Variants in ABLIM1 observed in about 807,000 individuals in gnomAD.
ABLIM1 encodes the protein actin binding LIM protein 1, also known as actin-binding LIM protein 1.
In ABLIM1, 40 loss-of-function variants were observed where a neutral mutation model predicts 107.0. The observed-to-expected ratio is 0.37, with a 90% confidence interval of 0.29 to 0.49. The LOEUF is 0.49. ABLIM1 is among the 20% of genes least tolerant of loss of function. The pLI, the probability that ABLIM1 is intolerant of heterozygous loss-of-function variation, is 0.97. For synonymous variants in ABLIM1, 357 were observed against 357.3 expected (o/e 1.00, Z 0.01); for missense variants, 857 against 1,008.5 (o/e 0.85, Z 2.04).
intron 6 of ABLIM1, among the ~76,000 whole-genome samples, chr10:114,510,978 G>A (rs1226142153): frequency 6.6e-6 from 1 of 151,960 alleles, no homozygotes; most frequent in Non-Finnish European, 1.5e-5. Context: ...TTAGCTGAGT[G>A]TGTTCCCTCC....
chr10:114,578,587 G>T (rs577328696), intron 2 of ABLIM1, among the ~76,000 whole-genome samples: 1 of 151,390 alleles, frequency 6.6e-6, no homozygotes, highest in Admixed American at 6.6e-5. Context: ...TGTATTTTTA[G>T]TAGAGATGGG....
upstream of ABLIM1, chr10:114,658,447 T>C: frequency 1.9e-6 from 1 of 514,048 alleles, no homozygotes; most frequent in Non-Finnish European, 3.1e-6. Flanking sequence ...CAGACATGAA[T>C]GCATATTTGA....
chr10:114,491,970 G>T, intron 6 of ABLIM1, 92 bp from the exon 7 acceptor site: 1 of 1,092,020 alleles, frequency 9.2e-7, no homozygotes, highest in South Asian at 1.7e-5. Context: ...GAAAAGAGAG[G>T]ATGCTGAAAA....
intron 1 of ABLIM1, among the ~76,000 whole-genome samples, chr10:114,760,970 T>G (rs1393181628): frequency 2.0e-5 from 3 of 152,208 alleles, no homozygotes; most frequent in Admixed American, 1.3e-4. Context: ...AGTTTCTCCT[T>G]TCCTTGATTT....
the ABLIM1 span, among the ~76,000 whole-genome samples, chr10:114,784,175 A>G: frequency 5.0e-4 from 75 of 151,324 alleles, no homozygotes; most frequent in Admixed American, 8.6e-4. Context: ...GCAAAACCCC[A>G]TCTCTACTAA....
intron 1 of ABLIM1, among the ~76,000 whole-genome samples, chr10:114,672,456 C>T (rs1566215030): frequency 6.6e-6 from 1 of 152,212 alleles, no homozygotes. Flanking sequence ...CTGCCTCAGC[C>T]TCCCAAAGTG....
intron 1 of ABLIM1, among the ~76,000 whole-genome samples, chr10:114,646,909 T>C (rs1339756786): frequency 6.6e-5 from 10 of 152,214 alleles, no homozygotes; most frequent in Non-Finnish European, 1.2e-4. Flanking sequence ...TTAACTTCAC[T>C]TAGTATTCCC....
At chr10:114,733,995 G>C (rs2082128019) in intron 1 of ABLIM1, among the ~76,000 whole-genome samples, 1 of 152,068 alleles carries the variant, frequency 6.6e-6, no homozygotes, top group Non-Finnish European at 1.5e-5. Flanking sequence ...CAAATAGCTA[G>C]GATTACAGGC....
chr10:114,576,234 C>A (rs993013733), intron 2 of ABLIM1, among the ~76,000 whole-genome samples: 1 of 152,164 alleles, frequency 6.6e-6, no homozygotes, highest in Non-Finnish European at 1.5e-5. Flanking sequence ...CATCTCCTTC[C>A]GACTGTGCAG....
the ABLIM1 span, among the ~76,000 whole-genome samples, chr10:114,787,054 G>A: frequency 3.3e-5 from 5 of 151,506 alleles, no homozygotes; most frequent in Admixed American, 6.6e-5. Flanking sequence ...AGTGAGGAGC[G>A]CCTCTTCCCT....
intron 1 of ABLIM1, among the ~76,000 whole-genome samples, chr10:114,749,173 A>C (rs1031006027): frequency 4.6e-5 from 7 of 152,174 alleles, no homozygotes; most frequent in African/African-American, 1.7e-4. Context: ...CATACTTCAC[A>C]GGGTGGTTAT....
chr10:114,554,833 T>C (rs754582842), intron 4 of ABLIM1, among the ~76,000 whole-genome samples: 3 of 152,202 alleles, frequency 2.0e-5, no homozygotes, highest in African/African-American at 4.8e-5. Context: ...ATTGGGCAAC[T>C]CACAGCAGTT....
At chr10:114,782,734 GT>G in the ABLIM1 span, among the ~76,000 whole-genome samples, 1 of 152,128 alleles carries the variant, frequency 6.6e-6, no homozygotes, top group East Asian at 1.9e-4. Flanking sequence ...TCAGAGATTA[GT>G]TTGGAGCTGT....
upstream of ABLIM1, among the ~76,000 whole-genome samples, chr10:114,663,054 C>T (rs1044252173): frequency 6.6e-6 from 1 of 152,230 alleles, no homozygotes; most frequent in Non-Finnish European, 1.5e-5. Context: ...TCACAATCCA[C>T]CAGGCTGCAG....
chr10:114,650,866 T>C (rs2079207972), intron 1 of ABLIM1, among the ~76,000 whole-genome samples: 1 of 152,202 alleles, frequency 6.6e-6, no homozygotes, highest in African/African-American at 2.4e-5. Flanking sequence ...GGGGGAAGTA[T>C]TTATCGAGCT....
the ABLIM1 span, among the ~76,000 whole-genome samples, chr10:114,787,004 A>G: frequency 6.7e-6 from 1 of 149,928 alleles, no homozygotes; most frequent in East Asian, 2.0e-4. Flanking sequence ...CAGTCTGGAA[A>G]GTGAGGAGCG....
chr10:114,569,105 C>T (rs958787347), intron 4 of ABLIM1, among the ~76,000 whole-genome samples: 3 of 152,154 alleles, frequency 2.0e-5, no homozygotes, highest in East Asian at 1.9e-4. Context: ...AGCCAAAAGA[C>T]GTGCATCTGA....
chr10:114,765,524 CT>C (rs2082871849), intron 1 of ABLIM1, among the ~76,000 whole-genome samples: 1 of 152,108 alleles, frequency 6.6e-6, no homozygotes. Context: ...GCTTCTGGTC[CT>C]ATAAGCTTAT....
chr10:114,475,697 G>A (rs2056258073), intron 8 of ABLIM1, among the ~76,000 whole-genome samples: 1 of 152,198 alleles, frequency 6.6e-6, no homozygotes, highest in Non-Finnish European at 1.5e-5. Flanking sequence ...AAGGATGAAA[G>A]AAACTGGACT....
Sources: gnomAD v4.1 joint callset for allele counts (sites outside exome capture counted in the v4.1 genomes callset) on GRCh38, gnomAD v4.1.1 for gene constraint, MANE v1.5 for transcripts, NCBI Gene and HGNC (gene_info 2026-07-23, HGNC 2026-07-21) for gene names.